COG6: variants seen among roughly 807,000 people sequenced by gnomAD.
The protein encoded by COG6 is component of oligomeric golgi complex 6, also known as conserved oligomeric Golgi complex subunit 6.
COG6 carries 74 observed loss-of-function variants against 88.8 expected under a neutral mutation model. That is an observed-to-expected ratio of 0.83 (90% CI 0.69 to 1.01). The LOEUF (loss-of-function observed/expected upper bound fraction) is 1.01, where lower values mean the gene tolerates loss of function less well. COG6 is among the 50% of genes least tolerant of loss of function. COG6 has a pLI of 0.00. For synonymous variants in COG6, 286 were observed against 278.7 expected (o/e 1.03, Z -0.26); for missense variants, 800 against 797.9 (o/e 1.00, Z -0.03).
chr13:39,668,229 G>A (rs1029583327), intron 4 of COG6, among the ~76,000 whole-genome samples: 1 of 151,976 alleles, frequency 6.6e-6, no homozygotes, highest in Non-Finnish European at 1.5e-5. Flanking sequence ...GTGTTTTTTT[G>A]ATTAATGACT....
At chr13:39,715,518 T>C (rs1285207012) in intron 13 of COG6, among the ~76,000 whole-genome samples, 1 of 152,128 alleles carries the variant, frequency 6.6e-6, no homozygotes, top group South Asian at 2.1e-4. Context: ...TTCTATATTA[T>C]AGCTATTAGA....
rs1878748222 is a variant in COG6 at position 39,719,746 on chromosome 13, G to C, written c.1503G>C (p.Met501Ile). 6.2e-7 allele frequency: 1 copy of C among 1,612,180 alleles called. No homozygotes were observed. The highest frequency in any genetic ancestry group is 1.1e-5 in the South Asian group (1 of 91,034). ...GCACAGCTGACATGGCCACTTTCATGGTCAATTCACTATATATGATGAAGA... is the reference window on the plus strand; with the variant it reads ...GCACAGCTGACATGGCCACTTTCATCGTCAATTCACTATATATGATGAAGA... ...NLGTADMATF[M>I]VNSLYMMKTT... Residue 501 changes from methionine (M) to isoleucine (I), a missense_variant, in exon 15 of 19, where the codon ATG becomes ATC. Transcript: ENST00000455146.
At chr13:39,668,425 T>C (rs939175636) in intron 4 of COG6, among the ~76,000 whole-genome samples, 1 of 152,044 alleles carries the variant, frequency 6.6e-6, no homozygotes, top group Admixed American at 6.5e-5. Context: ...CTGGTAAACT[T>C]TGAAAAAACA....
chr13:39,768,787 A>G (rs541695836), intron 18 of COG6, among the ~76,000 whole-genome samples: 1 of 152,012 alleles, frequency 6.6e-6, no homozygotes, highest in South Asian at 2.1e-4. Flanking sequence ...AGACTTCACT[A>G]CTCAACTCAA....
chr13:39,718,782 A>G (rs1456465275), intron 13 of COG6, among the ~76,000 whole-genome samples: 4 of 152,058 alleles, frequency 2.6e-5, no homozygotes, highest in East Asian at 1.9e-4. Flanking sequence ...TGAACTGTCA[A>G]TTCCTGAACC....
chr13:39,668,808 G>T (rs1223711803), intron 4 of COG6, among the ~76,000 whole-genome samples: 3 of 150,474 alleles, frequency 2.0e-5, no homozygotes, highest in African/African-American at 4.9e-5. Context: ...AAAAAGAAAA[G>T]AAAAGAAACA....
At chr13:39,746,233 TAA>T (rs79814174) in intron 18 of COG6, among the ~76,000 whole-genome samples, 242 of 142,654 alleles carry the variant, frequency 1.7e-3, no homozygotes, top group African/African-American at 5.6e-3. Flanking sequence ...AAAGTATCAT[TAA>T]AAAAAAAAAA....
intron 18 of COG6, among the ~76,000 whole-genome samples, chr13:39,740,667 T>A (rs1053684300): frequency 6.6e-6 from 1 of 152,172 alleles, no homozygotes; most frequent in African/African-American, 2.4e-5. Context: ...ATGACACTTA[T>A]CTGAAATATG....
chr13:39,779,171 G>A (rs920058770), intron 18 of COG6, among the ~76,000 whole-genome samples: 1 of 152,172 alleles, frequency 6.6e-6, no homozygotes, highest in Non-Finnish European at 1.5e-5. Flanking sequence ...ATTAGTATCT[G>A]CTTTATAGAG....
At chr13:39,776,169 C>T (rs983451699) in intron 18 of COG6, among the ~76,000 whole-genome samples, 4 of 152,136 alleles carry the variant, frequency 2.6e-5, no homozygotes, top group Non-Finnish European at 5.9e-5. Flanking sequence ...ATAGTAGTAT[C>T]AGCACTTTCC....
intron 18 of COG6, among the ~76,000 whole-genome samples, chr13:39,733,071 A>G (rs747659642): frequency 4.0e-5 from 6 of 149,520 alleles, no homozygotes; most frequent in Non-Finnish European, 8.9e-5. Context: ...ATGATCGATC[A>G]AAAAAAAAAG....
At chr13:39,772,771 T>G (rs1201103545) in intron 18 of COG6, among the ~76,000 whole-genome samples, 7 of 152,192 alleles carry the variant, frequency 4.6e-5, no homozygotes, top group African/African-American at 1.2e-4. Flanking sequence ...ACAGACATCC[T>G]TCTTCCAATT....
At chr13:39,656,817 T>C in intron 1 of COG6, 1 of 455,938 alleles carries the variant, frequency 2.2e-6, no homozygotes, top group Admixed American at 2.3e-5. Flanking sequence ...AATCTCAGCT[T>C]CTGTTTAGGA....
At chr13:39,678,772 T>C (rs563404987) in intron 5 of COG6, among the ~76,000 whole-genome samples, 1 of 152,172 alleles carries the variant, frequency 6.6e-6, no homozygotes, top group Admixed American at 6.5e-5. Flanking sequence ...GAACCAGTCA[T>C]TTGGGTGTAG....
At chr13:39,710,941 T>C (rs1878205511) in intron 13 of COG6, among the ~76,000 whole-genome samples, 1 of 152,032 alleles carries the variant, frequency 6.6e-6, no homozygotes, top group Non-Finnish European at 1.5e-5. Context: ...TATTAACTTA[T>C]AAAACAGCAT....
intron 18 of COG6, among the ~76,000 whole-genome samples, chr13:39,728,471 CTT>C (rs35333578): frequency 1.2e-4 from 17 of 146,896 alleles, no homozygotes; most frequent in African/African-American, 1.5e-4. Context: ...CTATGGACCA[CTT>C]TTTTTTTTTT....
chr13:39,682,972 G>T (rs936516871), intron 8 of COG6, among the ~76,000 whole-genome samples: 1 of 152,080 alleles, frequency 6.6e-6, no homozygotes, highest in Non-Finnish European at 1.5e-5. Flanking sequence ...AGTGCATCCT[G>T]CTTTGAATCA....
At chr13:39,735,480 A>G (rs1370825919) in intron 18 of COG6, among the ~76,000 whole-genome samples, 1 of 151,988 alleles carries the variant, frequency 6.6e-6, no homozygotes, top group Non-Finnish European at 1.5e-5. Flanking sequence ...ATGTTACTGT[A>G]GTTATTTTTG....
intron 1 of COG6, among the ~76,000 whole-genome samples, chr13:39,658,582 GAATAAACT>G (rs1874683096): frequency 6.6e-6 from 1 of 151,968 alleles, no homozygotes; most frequent in South Asian, 2.1e-4. Context: ...TACAAAGTTG[GAATAAACT>G]TTTATAAATA....
Sources: gnomAD v4.1 joint callset for allele counts (sites outside exome capture counted in the v4.1 genomes callset) on GRCh38, gnomAD v4.1.1 for gene constraint, MANE v1.5 for transcripts, NCBI Gene and HGNC (gene_info 2026-07-23, HGNC 2026-07-21) for gene names.